PLEKHG5: variants seen among roughly 807,000 people sequenced by gnomAD.
PLEKHG5 encodes pleckstrin homology domain-containing family G member 5.
PLEKHG5 carries 52 observed loss-of-function variants against 103.8 expected under a neutral mutation model. That is an observed-to-expected ratio of 0.50 (90% CI 0.40 to 0.63). The LOEUF is 0.63. PLEKHG5 is among the 30% of genes least tolerant of loss of function. PLEKHG5 has a pLI of 0.00. For missense variants in PLEKHG5, 1,205 were observed against 1,347.6 expected (o/e 0.89, Z 1.66); for synonymous variants, 592 against 575.5 (o/e 1.03, Z -0.41).
At chr1:6,482,626 A>G (rs1180573193) in intron 1 of PLEKHG5, among the ~76,000 whole-genome samples, 1 of 152,232 alleles carries the variant, frequency 6.6e-6, no homozygotes, top group Non-Finnish European at 1.5e-5. Context: ...TGACTTGTCT[A>G]AGGTCACACA....
intron 1 of PLEKHG5, among the ~76,000 whole-genome samples, chr1:6,508,187 G>GGC (rs376195213): frequency 1.3e-5 from 2 of 151,652 alleles, no homozygotes; most frequent in African/African-American, 4.8e-5. Flanking sequence ...GTCACCTGGG[G>GGC]CCCCACTCCC....
chr1:6,471,151 G>A, intron 12 of PLEKHG5, 51 bp from the exon 13 acceptor site: 1 of 1,445,118 alleles, frequency 6.9e-7, no homozygotes, highest in Non-Finnish European at 9.5e-7. Flanking sequence ...GCTCCCTGCG[G>A]GCCGGCCCGC....
upstream of PLEKHG5, among the ~76,000 whole-genome samples, chr1:6,492,343 C>T (rs978292444): frequency 3.9e-5 from 6 of 152,166 alleles, no homozygotes; most frequent in African/African-American, 1.2e-4. Flanking sequence ...GACTAGACCT[C>T]GAACAGTGCC....
At chr1:6,478,559 T>G (rs1400466943) in intron 1 of PLEKHG5, among the ~76,000 whole-genome samples, 1 of 152,218 alleles carries the variant, frequency 6.6e-6, no homozygotes, top group Non-Finnish European at 1.5e-5. Flanking sequence ...TGTAAACAGG[T>G]ATCAGTATTC....
intron 16 of PLEKHG5, 74 bp downstream of exon 16, chr1:6,470,162 T>C: frequency 6.5e-7 from 1 of 1,542,342 alleles, no homozygotes; most frequent in Non-Finnish European, 8.9e-7. Context: ...ACTGCAGAGC[T>C]GAGAACCAGT....
At chr1:6,492,276 T>C (rs968286288), upstream of PLEKHG5, among the ~76,000 whole-genome samples, 9 of 152,252 alleles carry the variant, frequency 5.9e-5, no homozygotes, top group East Asian at 1.7e-3. Flanking sequence ...CAATGTCCCC[T>C]GTGGCCCAGG....
upstream of PLEKHG5, among the ~76,000 whole-genome samples, chr1:6,492,612 C>G (rs1645167012): frequency 6.6e-6 from 1 of 152,110 alleles, no homozygotes; most frequent in Admixed American, 6.5e-5. Flanking sequence ...ACCTTGCACA[C>G]CTACGCTGTG....
At position 6,471,545 on chromosome 1, in the gene PLEKHG5, C is replaced by T; in HGVS notation, c.1224G>A (p.Lys408=). ...WASVMAPVLE[K]ARRTRALLQP... is the part of the protein sequence containing the mutation. ...GTAGCAGCGCTCGCGTGCGCCGCGC[C>T]TTCTCCAGCACCGGCGCCATCACGC... The change falls in exon 12 of 21, where the codon AAG becomes AAA. Residue 408 remains lysine, a synonymous_variant. Coordinates refer to ENST00000377728, the MANE Select transcript of PLEKHG5 (RefSeq NM_020631.6). 1 of 1,608,492 alleles carries T rather than the reference C, an allele frequency of 6.2e-7. No homozygotes were observed. Among genetic ancestry groups the T allele is most frequent in the Non-Finnish European group, 8.5e-7 (1 of 1,178,276 alleles).
intron 1 of PLEKHG5, among the ~76,000 whole-genome samples, chr1:6,489,820 T>C (rs879357055): frequency 1.3e-4 from 20 of 152,176 alleles, no homozygotes; most frequent in Non-Finnish European, 2.6e-4. Context: ...GGTCCTAGTG[T>C]GTGCCCGGAC....
In PLEKHG5 at chr1:6,473,957, G is replaced by T. The variant is rs1644675133; in HGVS notation, c.591+56C>A. On this transcript the variant is annotated intron_variant, in intron 7 of 20. Transcript: ENST00000377728. ...GTGACTGCCTCTGAGGAGGGGCTGT[G>T]GGCCCAGCCTGGGCCCCTTCCCACC... The T allele has an allele frequency of 2.7e-6, 4 of 1,498,518 alleles. No individual in the cohort carries two copies. The Admixed American group carries it at 7.7e-5, about 29-fold the overall frequency. 92.8% of individuals were successfully genotyped at this position (1,498,518 alleles called of 1,614,324 possible).
In PLEKHG5 at chr1:6,505,383, G is replaced by A. The variant is rs140063517; in HGVS notation, c.-164-8814C>T. On this transcript the variant is annotated intron_variant, in intron 1 of 21. Transcript: ENST00000377740. This position sits in a 1 kb window ranked among gnomAD's most constrained non-coding sequence, Gnocchi z 4.2. The stretch of plus-strand genomic sequence containing the variant: ...ACAGGTGCGCCCTGCCTCTGCCACC[G>A]CTGTTTGAAGCTCCCTGTGTGTCAT... 6.0e-3 allele frequency among the ~76,000 whole-genome samples: 916 copies of A among 152,154 alleles called. 5 individuals are homozygous for A. The highest frequency in any genetic ancestry group is 0.021 in the African/African-American group (857 of 41,496).
At chr1:6,497,020 C>T, upstream of PLEKHG5, 2 of 1,523,676 alleles carry the variant, frequency 1.3e-6, no homozygotes, top group Non-Finnish European at 1.8e-6. This position sits in a 1 kb window ranked among gnomAD's most constrained non-coding sequence, Gnocchi z 6.1. Flanking sequence ...ACCCCCGTTC[C>T]CCAAGACTCA....
chr1:6,516,007 T>C (rs1199709099), intron 1 of PLEKHG5, among the ~76,000 whole-genome samples: 2 of 152,218 alleles, frequency 1.3e-5, no homozygotes, highest in South Asian at 2.1e-4. Flanking sequence ...TCTGGAAATG[T>C]CAGAATGAAA....
At chr1:6,480,051 C>T (rs1157290485) in intron 1 of PLEKHG5, among the ~76,000 whole-genome samples, 1 of 151,906 alleles carries the variant, frequency 6.6e-6, no homozygotes, top group Admixed American at 6.6e-5. Context: ...TGCTATTTGC[C>T]TGTAATGCTG....
intron 1 of PLEKHG5, among the ~76,000 whole-genome samples, chr1:6,483,104 G>T (rs944297364): frequency 6.6e-6 from 1 of 152,362 alleles, no homozygotes; most frequent in East Asian, 1.9e-4. Context: ...GGGACAGGAG[G>T]AAATCTATCT....
At chr1:6,497,331 G>A, upstream of PLEKHG5, 7 of 984,772 alleles carry the variant, frequency 7.1e-6, no homozygotes, top group South Asian at 1.9e-4. The surrounding 1 kb of genome is among the most constrained non-coding windows in gnomAD (Gnocchi z 6.1). Context: ...CATGGAGCAG[G>A]CCCCGTGCCG....
chr1:6,497,119 CGAGAGGCGGGGGGAGGGAG>C, upstream of PLEKHG5: 3 of 1,332,928 alleles, frequency 2.3e-6, no homozygotes, highest in Non-Finnish European at 3.1e-6. This position sits in a 1 kb window ranked among gnomAD's most constrained non-coding sequence, Gnocchi z 6.1. Flanking sequence ...GCGCAACCAG[CGAGAGGCGGGGGGAGGGAG>C]GAGAAGCGGG....
intron 1 of PLEKHG5, among the ~76,000 whole-genome samples, chr1:6,478,369 A>T (rs1330066060): frequency 6.6e-6 from 1 of 152,028 alleles, no homozygotes; most frequent in South Asian, 2.1e-4. Flanking sequence ...GGGTTTCACC[A>T]TGTTGCCCAG....
intron 19 of PLEKHG5, among the ~76,000 whole-genome samples, 185 bp from the exon 20 acceptor site, chr1:6,468,771 G>A (rs1039319002): frequency 2.6e-5 from 4 of 152,166 alleles, no homozygotes; most frequent in Admixed American, 6.6e-5. Flanking sequence ...CCTCAGTAGC[G>A]AGCCCAGCAC....
Sources: gnomAD v4.1 joint callset for allele counts (sites outside exome capture counted in the v4.1 genomes callset) on GRCh38, gnomAD v4.1.1 for gene constraint, Gnocchi (gnomAD v3.1) non-coding constraint, MANE v1.5 for transcripts, NCBI Gene and HGNC (gene_info 2026-07-23, HGNC 2026-07-21) for gene names.